SORCS2: variants seen among roughly 807,000 people sequenced by gnomAD.
SORCS2 encodes the protein VPS10 domain-containing receptor SorCS2.
In SORCS2, 100 loss-of-function variants were observed where a neutral mutation model predicts 141.6. That is an observed-to-expected ratio of 0.71 (90% confidence interval 0.60 to 0.83). SORCS2 has a LOEUF of 0.83. SORCS2 is among the 40% of genes least tolerant of loss of function. The pLI, the probability that SORCS2 is intolerant of heterozygous loss-of-function variation, is 0.00. For synonymous variants in SORCS2, 789 were observed against 676.9 expected (o/e 1.17, Z -2.57); for missense variants, 1,646 against 1,560.2 (o/e 1.05, Z -0.93).
In SORCS2 at chr4:7,697,736, T is replaced by G. The variant is rs572370219; in HGVS notation, c.1668+462T>G. Among the ~76,000 whole-genome samples, 309 of 146,332 alleles carry G rather than the reference T, an allele frequency of 2.1e-3. 2 individuals carry two copies. The highest frequency in any genetic ancestry group is 7.6e-3 in the African/African-American group (296 of 38,884). On this transcript the variant is annotated intron_variant, in intron 12 of 26. Coordinates refer to ENST00000507866, the MANE Select transcript of SORCS2 (RefSeq NM_020777.3). Reference sequence around the variant, plus strand: ...GACTCCGGGTTCCTGGCAGGGGCTGTGGACACAGCAGTGAAAGAGAATATG... The same window carrying G: ...GACTCCGGGTTCCTGGCAGGGGCTGGGGACACAGCAGTGAAAGAGAATATG...
chr4:7,627,582 CT>C (rs1719595140), intron 3 of SORCS2, among the ~76,000 whole-genome samples: 1 of 152,172 alleles, frequency 6.6e-6, no homozygotes, highest in African/African-American at 2.4e-5. Context: ...TGGCAGAGAG[CT>C]TTTATTTGAG....
chr4:7,476,227 C>T (rs575756993), intron 2 of SORCS2, among the ~76,000 whole-genome samples: 9 of 152,260 alleles, frequency 5.9e-5, no homozygotes, highest in South Asian at 2.1e-4. Flanking sequence ...GGAGGGAAGT[C>T]GATAGACAGA....
intron 7 of SORCS2, among the ~76,000 whole-genome samples, chr4:7,665,336 G>A (rs543309643): frequency 1.3e-5 from 2 of 152,294 alleles, no homozygotes; most frequent in South Asian, 2.1e-4. Context: ...GTTAAAGCAG[G>A]CCAGACAGGA....
chr4:7,364,390 C>G (rs1388131434), intron 1 of SORCS2, among the ~76,000 whole-genome samples: 1 of 152,288 alleles, frequency 6.6e-6, no homozygotes, highest in Admixed American at 6.5e-5. Flanking sequence ...TGATAGAAAG[C>G]AATGTGACTG....
At chr4:7,408,920 G>A (rs934106541) in intron 2 of SORCS2, among the ~76,000 whole-genome samples, 3 of 152,060 alleles carry the variant, frequency 2.0e-5, no homozygotes, top group Non-Finnish European at 4.4e-5. Context: ...AGTTCCACAG[G>A]TGTTTTTCTC....
intron 1 of SORCS2, among the ~76,000 whole-genome samples, chr4:7,257,269 G>GC (rs1713956025): frequency 6.6e-6 from 1 of 151,366 alleles, no homozygotes; most frequent in Non-Finnish European, 1.5e-5. Flanking sequence ...TGTGCCTGGC[G>GC]CCAGGAGTGC....
At chr4:7,561,392 A>ACATCCACCTACC (rs1292346229) in intron 3 of SORCS2, among the ~76,000 whole-genome samples, 4 of 149,322 alleles carry the variant, frequency 2.7e-5, no homozygotes, top group African/African-American at 7.5e-5. Flanking sequence ...GTTCATCCAT[A>ACATCCACCTACC]CATCCATCTA....
Position 7,737,154 on chromosome 4 carries a change from G to C in SORCS2, c.3397G>C (p.Val1133Leu). 3 of 1,551,350 alleles carry C rather than the reference G, an allele frequency of 1.9e-6. No individual in the cohort carries two copies. The highest frequency in any genetic ancestry group is 2.4e-5 in the South Asian group (2 of 84,056). ...MTSPVSHSEDVQGAVQGNHSG... is the reference protein window; with the variant it reads ...MTSPVSHSEDLQGAVQGNHSG... ...CAGCCCTGTGAGTCACAGTGAGGAC[G>C]TCCAGGGCGCTGTCCAGGGTGAGGA... Residue 1133 changes from valine to leucine, a missense_variant, in exon 26 of 27, where the codon GTC becomes CTC. Val to Leu is a conservative substitution (Grantham distance 32, BLOSUM62 1). Coordinates refer to ENST00000507866, the MANE Select transcript of SORCS2 (RefSeq NM_020777.3).
At chr4:7,332,328 A>C (rs1719703054) in intron 1 of SORCS2, among the ~76,000 whole-genome samples, 1 of 152,172 alleles carries the variant, frequency 6.6e-6, no homozygotes, top group African/African-American at 2.4e-5. Context: ...AGCTCCTCTG[A>C]GGCTGCTCTC....
At chr4:7,289,632 G>A (rs1000781195) in intron 1 of SORCS2, among the ~76,000 whole-genome samples, 3 of 152,122 alleles carry the variant, frequency 2.0e-5, no homozygotes, top group Non-Finnish European at 4.4e-5. Flanking sequence ...CCAGGCCCAG[G>A]GCAAAGGTAA....
intron 1 of SORCS2, among the ~76,000 whole-genome samples, chr4:7,273,868 C>A (rs984191112): frequency 4.6e-5 from 7 of 152,188 alleles, no homozygotes; most frequent in African/African-American, 1.7e-4. Context: ...ATTTAGTGCC[C>A]CAGGGATTGG....
chr4:7,664,073 C>T lies in SORCS2; in HGVS notation c.953-280C>T, dbSNP rs1404468120. Among the ~76,000 whole-genome samples, 1 of 152,172 alleles carries T rather than the reference C, an allele frequency of 6.6e-6. No homozygotes were observed. ...ATGTCTGGGTGTGGCGAGGTACCCA[C>T]CGTCGCCTGTGCTGACCCCTCCTGC... is the stretch of plus-strand genomic sequence containing the variant. On this transcript the variant is annotated intron_variant, in intron 6 of 26. Transcript: ENST00000507866. This position sits in a 1 kb window ranked among gnomAD's most constrained non-coding sequence, Gnocchi z 4.7.
intron 1 of SORCS2, among the ~76,000 whole-genome samples, chr4:7,265,781 G>A (rs1251697236): frequency 6.6e-6 from 1 of 152,174 alleles, no homozygotes. Flanking sequence ...GGCCACGTTC[G>A]CAGGGGCAGG....
rs1439126121 is a variant in SORCS2 at position 7,433,923 on chromosome 4, A to G, written c.548+37568A>G. 8 of 1,613,710 alleles carry G rather than the reference A, an allele frequency of 5.0e-6. No homozygotes were observed. The Middle Eastern group carries it at 4.9e-4, about 99-fold the overall frequency. ...TTACCGAGCACACGCGCTCCAGGGC[A>G]TGGGTGATCATGAGCTCAGAGCTGT... On this transcript the variant is annotated intron_variant, in intron 2 of 26. Transcript: ENST00000507866.
chr4:7,737,742 A>G (rs1294609082), intron 26 of SORCS2, among the ~76,000 whole-genome samples: 1 of 152,210 alleles, frequency 6.6e-6, no homozygotes, highest in African/African-American at 2.4e-5. Flanking sequence ...GCGGCGTAGC[A>G]TCGTTTATGG....
At chr4:7,243,158 G>C (rs1056697932) in intron 1 of SORCS2, among the ~76,000 whole-genome samples, 11 of 152,192 alleles carry the variant, frequency 7.2e-5, no homozygotes, top group Non-Finnish European at 1.5e-4. Flanking sequence ...AGCTCTGGGG[G>C]ATTGCACTTA....
At chr4:7,514,478 G>T (rs183987632) in intron 2 of SORCS2, among the ~76,000 whole-genome samples, 2,050 of 151,970 alleles carry the variant, frequency 0.013, 54 homozygotes, top group African/African-American at 0.047. Flanking sequence ...GTCAGGTAGC[G>T]ATATGTGCTA....
At chr4:7,367,893 G>GC (rs989133728) in intron 1 of SORCS2, among the ~76,000 whole-genome samples, 2 of 152,230 alleles carry the variant, frequency 1.3e-5, no homozygotes, top group Admixed American at 6.5e-5. Flanking sequence ...GGCGGAGACA[G>GC]CCCCCAGCCC....
At position 7,740,337 on chromosome 4, in the gene SORCS2, G is replaced by GC; in HGVS notation, c.*77dup. On this transcript the variant is annotated 3_prime_UTR_variant, in exon 27 of 27. Coordinates refer to ENST00000507866, the MANE Select transcript of SORCS2 (RefSeq NM_020777.3). ...CAGCAAAGCCGGCGGCTGGACTGGC[G>GC]CCCCTCAGAGACCTGCGGAAAGCCC... 7.2e-7 allele frequency: 1 copy of GC among 1,385,514 alleles called. No individual in the cohort carries two copies. Among genetic ancestry groups the GC allele is most frequent in the South Asian group, 1.2e-5 (1 of 82,788 alleles). The allele number at this position is 1,385,514 out of a possible 1,614,324, so 85.8% of individuals were successfully genotyped here. A position where few individuals can be genotyped will look rare whatever the true frequency, so the allele number is the denominator to read the frequency against.
Sources: gnomAD v4.1 joint callset for allele counts (sites outside exome capture counted in the v4.1 genomes callset) on GRCh38, gnomAD v4.1.1 for gene constraint, Gnocchi (gnomAD v3.1) non-coding constraint, MANE v1.5 for transcripts, NCBI Gene and HGNC (gene_info 2026-07-23, HGNC 2026-07-21) for gene names.